Variants in SEPTIN7 observed in about 807,000 individuals in gnomAD.
SEPTIN7 encodes the protein septin 7, also known as septin-7.
A neutral mutation model predicts 63.3 loss-of-function variants in SEPTIN7; 10 were observed. That is an observed-to-expected ratio of 0.16 (90% CI 0.10 to 0.27). SEPTIN7 has a LOEUF of 0.27. SEPTIN7 is among the 10% of genes least tolerant of loss of function. SEPTIN7 has a pLI of 1.00. For missense variants in SEPTIN7, 310 were observed against 521.0 expected, an observed-to-expected ratio of 0.59 and a Z score of 3.94; for synonymous variants, 131 against 165.3, an observed-to-expected ratio of 0.79 and a Z score of 1.59.
At chr7:35,860,933 C>T (rs1785470130) in intron 3 of SEPTIN7, among the ~76,000 whole-genome samples, 1 of 152,128 alleles carries the variant, frequency 6.6e-6, no homozygotes, top group South Asian at 2.1e-4. Flanking sequence ...ATTTCTCTTC[C>T]TCTGAAACAT....
chr7:35,818,176 A>G (rs1413230199), intron 1 of SEPTIN7, among the ~76,000 whole-genome samples: 1 of 152,030 alleles, frequency 6.6e-6, no homozygotes, highest in African/African-American at 2.4e-5. Context: ...AAGTGTGTTT[A>G]TCGTTGAAAG....
intron 3 of SEPTIN7, among the ~76,000 whole-genome samples, chr7:35,844,036 A>G (rs532209707): frequency 1.3e-5 from 2 of 152,330 alleles, no homozygotes; most frequent in South Asian, 4.1e-4. Flanking sequence ...CTTTCATAGC[A>G]TGCTTGTCCT....
At chr7:35,858,991 T>TA (rs1296270659) in intron 3 of SEPTIN7, among the ~76,000 whole-genome samples, 2 of 152,216 alleles carry the variant, frequency 1.3e-5, no homozygotes, top group Non-Finnish European at 2.9e-5. Context: ...TTTCTATTCT[T>TA]AAAATCTCTT....
intron 6 of SEPTIN7, among the ~76,000 whole-genome samples, chr7:35,877,783 C>T (rs916923960): frequency 7.2e-5 from 11 of 152,126 alleles, no homozygotes; most frequent in South Asian, 4.1e-4. Context: ...TTAGATACCA[C>T]GCTGGGTGCT....
intron 3 of SEPTIN7, among the ~76,000 whole-genome samples, chr7:35,839,363 T>A (rs146091859): frequency 6.2e-4 from 95 of 152,352 alleles, no homozygotes; most frequent in African/African-American, 2.1e-3. Context: ...TTACCATTGC[T>A]TCATCATTTG....
chr7:35,822,225 C>T (rs1337759751), intron 1 of SEPTIN7, among the ~76,000 whole-genome samples: 1 of 151,762 alleles, frequency 6.6e-6, no homozygotes, highest in African/African-American at 2.4e-5. Flanking sequence ...GACTACCTGG[C>T]TAATTTTTTG....
intron 4 of SEPTIN7, among the ~76,000 whole-genome samples, chr7:35,869,384 G>C (rs1330538206): frequency 6.6e-6 from 1 of 152,114 alleles, no homozygotes; most frequent in Non-Finnish European, 1.5e-5. Context: ...GATGATATTT[G>C]TCTTTTGAGC....
intron 3 of SEPTIN7, among the ~76,000 whole-genome samples, chr7:35,862,006 T>G (rs1286880809): frequency 6.6e-6 from 1 of 152,220 alleles, no homozygotes; most frequent in Non-Finnish European, 1.5e-5. Flanking sequence ...TTTCTGGTTG[T>G]TTTTGGTGTT....
downstream of SEPTIN7, among the ~76,000 whole-genome samples, chr7:35,907,911 T>C (rs941171828): frequency 3.3e-5 from 5 of 152,210 alleles, no homozygotes; most frequent in African/African-American, 9.6e-5. Context: ...CACGTTAAGG[T>C]GTCCAGACCT....
intron 3 of SEPTIN7, among the ~76,000 whole-genome samples, chr7:35,860,244 T>C (rs2116127592): frequency 6.6e-6 from 1 of 152,218 alleles, no homozygotes; most frequent in Non-Finnish European, 1.5e-5. Flanking sequence ...CAACTACACG[T>C]CCACTGCTCT....
At chr7:35,848,651 A>T (rs1784813613) in intron 3 of SEPTIN7, among the ~76,000 whole-genome samples, 1 of 152,216 alleles carries the variant, frequency 6.6e-6, no homozygotes, top group South Asian at 2.1e-4. Context: ...TTAGCAAAAG[A>T]ACTTACAGAA....
intron 10 of SEPTIN7, among the ~76,000 whole-genome samples, chr7:35,886,605 G>C (rs1470260790): frequency 6.6e-6 from 1 of 152,048 alleles, no homozygotes; most frequent in South Asian, 2.1e-4. Context: ...ACCTGACTCC[G>C]CATTTCCCAC....
At chr7:35,819,642 G>A (rs908441142) in intron 1 of SEPTIN7, among the ~76,000 whole-genome samples, 2 of 152,068 alleles carry the variant, frequency 1.3e-5, no homozygotes, top group Admixed American at 1.3e-4. Context: ...GCTTAAAATT[G>A]TTCTATCTTC....
At chr7:35,836,102 A>G (rs995083438) in intron 3 of SEPTIN7, among the ~76,000 whole-genome samples, 7 of 152,158 alleles carry the variant, frequency 4.6e-5, no homozygotes, top group African/African-American at 9.7e-5. Flanking sequence ...CTGATTGACA[A>G]TTTGATGGGG....
intron 3 of SEPTIN7, among the ~76,000 whole-genome samples, chr7:35,840,435 T>A (rs1423791101): frequency 1.3e-5 from 2 of 150,574 alleles, no homozygotes; most frequent in African/African-American, 4.9e-5. Flanking sequence ...ATTAAAAAAA[T>A]AAAAATAAAA....
intron 3 of SEPTIN7, among the ~76,000 whole-genome samples, chr7:35,858,163 T>A (rs1785303734): frequency 1.3e-5 from 2 of 152,096 alleles, no homozygotes; most frequent in Non-Finnish European, 2.9e-5. Flanking sequence ...CAGGCCTGTC[T>A]TGAACTCCTG....
At chr7:35,805,494 T>TGATA (rs1420690667) in intron 1 of SEPTIN7, among the ~76,000 whole-genome samples, 1 of 152,256 alleles carries the variant, frequency 6.6e-6, no homozygotes, top group Non-Finnish European at 1.5e-5. Flanking sequence ...TGACATAAAC[T>TGATA]GATAATTCAC....
intron 3 of SEPTIN7, among the ~76,000 whole-genome samples, chr7:35,844,725 C>G (rs1446111296): frequency 6.6e-6 from 1 of 152,130 alleles, no homozygotes; most frequent in African/African-American, 2.4e-5. Flanking sequence ...GCCTCAGCCT[C>G]CCGAGTAGCT....
intron 3 of SEPTIN7, among the ~76,000 whole-genome samples, chr7:35,856,714 A>AGGG (rs1314560759): frequency 6.6e-6 from 1 of 152,114 alleles, no homozygotes. Flanking sequence ...ATATAGCTCA[A>AGGG]GGGGGAGCTT....
Sources: gnomAD v4.1 joint callset for allele counts (sites outside exome capture counted in the v4.1 genomes callset) on GRCh38, gnomAD v4.1.1 for gene constraint, MANE v1.5 for transcripts, NCBI Gene and HGNC (gene_info 2026-07-23, HGNC 2026-07-21) for gene names.